VSIG4: variants seen among roughly 807,000 people sequenced by gnomAD.
The protein encoded by VSIG4 is V-set and immunoglobulin domain containing 4.
A neutral mutation model predicts 23.4 loss-of-function variants in VSIG4; 34 were observed. The observed-to-expected ratio is 1.45, with a 90% CI of 1.10 to 1.93. The LOEUF is 1.93. Among genes scored for constraint, VSIG4 ranks in the 30% most tolerant of loss-of-function variants. The pLI is 0.00. For missense variants in VSIG4, 433 were observed against 310.8 expected, an observed-to-expected ratio of 1.39 and a Z score of -2.96; for synonymous variants, 169 against 120.3, an observed-to-expected ratio of 1.41 and a Z score of -2.65.
intron 1 of VSIG4, among the ~76,000 whole-genome samples, chrX:66,038,589 A>C (rs2085647975): frequency 8.9e-6 from 1 of 111,755 alleles, no homozygotes; most frequent in Non-Finnish European, 1.9e-5. Context: ...CCCCAGGCTT[A>C]AGCCCTAGCT....
Position 66,032,601 on chromosome X carries a change from G to A in VSIG4, c.561C>T (p.Pro187=), listed in dbSNP as rs749393981. Residue 187 remains proline, a synonymous_variant, in exon 3 of 8, where the codon CCC becomes CCT. Coordinates refer to ENST00000374737, the MANE Select transcript of VSIG4 (RefSeq NM_007268.3). ...WYKQQTNNQE[P]IKVATLSTLL... ...AGGTACTTAGGGTTGCTACTTTGAT[G>A]GGTTCCTGGTTATTAGTCTGTTGCT... 5 of 1,209,644 alleles carry A rather than the reference G, an allele frequency of 4.1e-6. No individual in the cohort carries two copies. The South Asian group carries it at 8.8e-5, about 21-fold the overall frequency.
In VSIG4 at chrX:66,027,450, T is replaced by A; in HGVS notation, c.834A>T (p.Pro278=). The A allele has an allele frequency of 8.3e-7, 1 of 1,200,563 alleles. No individual in the cohort carries two copies. The highest frequency in any genetic ancestry group is 2.2e-5 in the Admixed American group (1 of 45,149). ...DGYLGETSAG[P]GKSLPVFAII... ...TAGAAATCCTGACAATATTCCTACC[T>A]GGCCCAGCACTGGTCTCTCCAAGGT... Residue 278 remains proline (P), a splice_region_variant and synonymous_variant, in exon 5 of 8, where the codon CCA becomes CCT. Coordinates refer to ENST00000374737, the MANE Select transcript of VSIG4 (RefSeq NM_007268.3).
At chrX:66,022,659 C>T in intron 7 of VSIG4, 159 bp from the exon 8 acceptor site, 1 of 1,126,647 alleles carries the variant, frequency 8.9e-7, no homozygotes, top group African/African-American at 1.8e-5. Context: ...CCTTTGTGTT[C>T]AGAGGGCCAA....
chrX:66,033,524 T>A lies in VSIG4; in HGVS notation c.362A>T (p.Asp121Val), dbSNP rs770266306. 17 of 1,209,565 alleles carry A rather than the reference T, an allele frequency of 1.4e-5. No individual in the cohort carries two copies. Among genetic ancestry groups the A allele is most frequent in the Non-Finnish European group, 1.8e-5 (16 of 895,030 alleles). ...CTTATCTCTCACGACTTGGTTGCCA[T>A]CAGGAGTCTGCCAGGTGACTTCACA... Reference protein sequence around the residue: ...YTCEVTWQTPDGNQVVRDKIT... With the variant: ...YTCEVTWQTPVGNQVVRDKIT... Residue 121 changes from aspartate to valine, a missense_variant, in exon 2 of 8, where the codon GAT (aspartate) becomes GTT (valine). Transcript: ENST00000374737.
chrX:66,036,754 A>C (rs189941272), intron 1 of VSIG4, among the ~76,000 whole-genome samples: 1 of 42,583 alleles, frequency 2.3e-5, no homozygotes, highest in Non-Finnish European at 3.8e-5. Context: ...AATAATATAT[A>C]ATATAATATA....
intron 1 of VSIG4, among the ~76,000 whole-genome samples, chrX:66,036,928 ATATGATATATTATATG>A (rs1186166377): frequency 2.9e-5 from 1 of 34,833 alleles, no homozygotes; most frequent in African/African-American, 1.7e-4. Flanking sequence ...ATATTATATT[ATATGATATATTATATG>A]ATATATTATA....
intron 7 of VSIG4, 83 bp from the exon 8 acceptor site, chrX:66,022,583 C>T: frequency 1.7e-6 from 2 of 1,164,862 alleles, no homozygotes; most frequent in Non-Finnish European, 2.3e-6. Flanking sequence ...CAATTCTTGC[C>T]AATTAATTAT....
In VSIG4 at chrX:66,022,110, C is replaced by T. The variant is rs757782039; in HGVS notation, c.*153G>A. ...TTACTTGAGATGCATCTGGCAAATTCCAGGGCAAAGCCAGTGACTCCCAGC... is the reference window on the plus strand; with the variant it reads ...TTACTTGAGATGCATCTGGCAAATTTCAGGGCAAAGCCAGTGACTCCCAGC... On this transcript the variant is annotated 3_prime_UTR_variant, in exon 8 of 8. Transcript: ENST00000374737. 12 of 1,173,759 alleles carry T rather than the reference C, an allele frequency of 1.0e-5. No individual in the cohort carries two copies. The African/African-American group carries it at 1.8e-4, about 17-fold the overall frequency.
intron 3 of VSIG4, among the ~76,000 whole-genome samples, chrX:66,028,623 G>A (rs6624836): frequency 9.8e-5 from 9 of 91,911 alleles, no homozygotes; most frequent in African/African-American, 3.8e-4. Flanking sequence ...CAGCACCTTA[G>A]ACAGGATTTA....
intron 6 of VSIG4, 87 bp from the exon 7 acceptor site, chrX:66,022,949 G>A (rs1262637221): frequency 9.8e-7 from 1 of 1,017,575 alleles, no homozygotes; most frequent in African/African-American, 1.9e-5. Context: ...GTCAAAAGAT[G>A]AGGGAAGGGT....
intron 5 of VSIG4, among the ~76,000 whole-genome samples, chrX:66,026,503 G>A (rs2085392971): frequency 8.9e-6 from 1 of 111,766 alleles, no homozygotes; most frequent in African/African-American, 3.3e-5. Flanking sequence ...TCTCCCAGTA[G>A]ATGTTCTTCT....
intron 1 of VSIG4, among the ~76,000 whole-genome samples, chrX:66,038,075 T>C (rs972489559): frequency 9.0e-6 from 1 of 111,319 alleles, no homozygotes; most frequent in African/African-American, 3.3e-5. Context: ...TTAACTTATA[T>C]AATAGATGTT....
intron 1 of VSIG4, among the ~76,000 whole-genome samples, chrX:66,034,767 G>A: frequency 3.4e-5 from 2 of 58,601 alleles, no homozygotes; most frequent in Non-Finnish European, 5.2e-5. Context: ...CCTTGGGGAT[G>A]GGGGTGGGGG....
chrX:66,039,649 G>A (rs2085660427), intron 1 of VSIG4, among the ~76,000 whole-genome samples: 1 of 112,039 alleles, frequency 8.9e-6, no homozygotes, highest in East Asian at 2.8e-4. Context: ...GAAAGATTCG[G>A]ATGTCATTGG....
At chrX:66,022,891 A>C in intron 6 of VSIG4, 29 bp from the exon 7 acceptor site, 2 of 1,204,967 alleles carry the variant, frequency 1.7e-6, no homozygotes, top group Non-Finnish European at 2.2e-6. Context: ...TCATGTCAGA[A>C]GTTTTCATGG....
chrX:66,036,809 T>C (rs1470513037), intron 1 of VSIG4, among the ~76,000 whole-genome samples: 5 of 39,671 alleles, frequency 1.3e-4, no homozygotes, highest in African/African-American at 6.1e-4. Context: ...TATTATATAA[T>C]ATTATATATT....
Position 66,036,971 on chromosome X carries a change from A to G in VSIG4, c.55+2973T>C, listed in dbSNP as rs1249377984. On this transcript the variant is annotated intron_variant, in intron 1 of 7. Coordinates refer to ENST00000374737, the MANE Select transcript of VSIG4 (RefSeq NM_007268.3). ...TATATTATATTATATTATATAATAT[A>G]TAATATAATATATCATATAATATAA... Among the ~76,000 whole-genome samples, 8 of 31,563 alleles carry G rather than the reference A, an allele frequency of 2.5e-4. 1 individual carries two copies. The highest frequency in any genetic ancestry group is 4.5e-3 in the South Asian group (2 of 442). The allele number at this position is 31,563 out of a possible 115,157, so 27.4% of individuals were successfully genotyped here. A position where few individuals can be genotyped will look rare whatever the true frequency, so the allele number is the denominator to read the frequency against.
In VSIG4 at chrX:66,022,852, G is replaced by T. The variant is rs762489704; in HGVS notation, c.951C>A (p.Tyr317Ter). 2 of 1,211,437 alleles carry T rather than the reference G, an allele frequency of 1.7e-6. No homozygotes were observed. The highest frequency in any genetic ancestry group is 2.2e-6 in the Non-Finnish European group (2 of 895,318). Residue 317 changes from tyrosine to a stop codon, truncating the protein, a stop_gained, in exon 7 of 8, where the codon TAC becomes TAA. Transcript: ENST00000374737. LOFTEE classifies it low-confidence loss of function (END_TRUNC). ...CRKTSQQEHV[Y>*]EAARAHAREA... ...AGAGACTTTCTTACCTGGCTGCTTC[G>T]TAGACATGCTCTAGAAAAAAAGGAG...
Position 66,036,944 on chromosome X carries a change from G to T in VSIG4, c.55+3000C>A, listed in dbSNP as rs868834567. On this transcript the variant is annotated intron_variant, in intron 1 of 7. Transcript: ENST00000374737. ...TATTATATTATATGATATATTATAT[G>T]ATATATTATATTATATTATATAATA... Among the ~76,000 whole-genome samples, 99 of 11,131 alleles carry T rather than the reference G, an allele frequency of 8.9e-3. 1 individual carries two copies. The highest frequency in any genetic ancestry group is 0.083 in the South Asian group (12 of 145). 9.7% of individuals were successfully genotyped at this position (11,131 alleles called of 115,157 possible). A position where few individuals can be genotyped will look rare whatever the true frequency, so the allele number is the denominator to read the frequency against.
Sources: allele counts gnomAD v4.1 joint callset (sites outside exome capture counted in the v4.1 genomes callset), GRCh38; gene constraint gnomAD v4.1.1; transcripts MANE v1.5; gene names NCBI Gene and HGNC (gene_info 2026-07-23, HGNC 2026-07-21).